The following DGKB variants were observed in gnomAD, a reference collection of about 807,000 sequenced individuals.
DGKB encodes the protein 90 kDa diacylglycerol kinase.
In DGKB, 67 loss-of-function variants were observed where a neutral mutation model predicts 114.3. That is an observed-to-expected ratio of 0.59 (90% CI 0.48 to 0.72). The LOEUF (loss-of-function observed/expected upper bound fraction) is 0.72. Ranked by LOEUF, DGKB falls within the 30% of genes least tolerant of loss-of-function variation. The pLI is 0.00. For synonymous variants in DGKB, 398 were observed against 323.1 expected (o/e 1.23, Z -2.49); for missense variants, 907 against 975.2 (o/e 0.93, Z 0.93).
chr7:14,777,677 T>C (rs1340223556), intron 2 of DGKB, among the ~76,000 whole-genome samples: 1 of 152,194 alleles, frequency 6.6e-6, no homozygotes, highest in Non-Finnish European at 1.5e-5. Context: ...CCATTAAATC[T>C]CTTTCCTTTA....
At chr7:14,332,692 C>A (rs1809943591) in intron 23 of DGKB, among the ~76,000 whole-genome samples, 3 of 152,004 alleles carry the variant, frequency 2.0e-5, no homozygotes, top group Non-Finnish European at 4.4e-5. Context: ...AATATAAAAC[C>A]ATTAAACTTT....
chr7:14,756,866 G>A (rs1248544944), intron 3 of DGKB, among the ~76,000 whole-genome samples: 1 of 151,970 alleles, frequency 6.6e-6, no homozygotes, highest in African/African-American at 2.4e-5. Flanking sequence ...CGTAAATGTT[G>A]CCTTCTGAAG....
intron 1 of DGKB, among the ~76,000 whole-genome samples, chr7:14,851,105 A>T (rs1378256865): frequency 6.6e-6 from 1 of 152,164 alleles, no homozygotes; most frequent in African/African-American, 2.4e-5. Flanking sequence ...GTAGAATTGA[A>T]ATTGGACATA....
At chr7:14,747,521 A>G (rs1424781996) in intron 4 of DGKB, among the ~76,000 whole-genome samples, 2 of 152,150 alleles carry the variant, frequency 1.3e-5, no homozygotes, top group African/African-American at 4.8e-5. Flanking sequence ...GACATTTCTG[A>G]TAAATGGATG....
intron 1 of DGKB, among the ~76,000 whole-genome samples, chr7:14,955,796 G>A (rs895486478): frequency 2.0e-5 from 3 of 151,942 alleles, no homozygotes; most frequent in East Asian, 1.9e-4. Context: ...GATGATATGT[G>A]GAATCATAAG....
chr7:14,422,031 T>C (rs540049148), intron 21 of DGKB, among the ~76,000 whole-genome samples: 1 of 152,168 alleles, frequency 6.6e-6, no homozygotes, highest in Non-Finnish European at 1.5e-5. Context: ...AGCATATTTA[T>C]AGAAGGTATA....
chr7:14,169,744 C>T (rs1269103160), intron 25 of DGKB, among the ~76,000 whole-genome samples: 1 of 151,742 alleles, frequency 6.6e-6, no homozygotes, highest in African/African-American at 2.4e-5. Flanking sequence ...CAGTGGGAAG[C>T]AAAATATGTA....
intron 21 of DGKB, among the ~76,000 whole-genome samples, chr7:14,417,212 A>C (rs868843110): frequency 1.3e-4 from 20 of 152,178 alleles, no homozygotes; most frequent in Non-Finnish European, 2.8e-4. Flanking sequence ...TTAGGCTTCT[A>C]CATTTTTAAA....
At chr7:14,734,169 G>A (rs1017258225) in intron 5 of DGKB, among the ~76,000 whole-genome samples, 22 of 151,034 alleles carry the variant, frequency 1.5e-4, no homozygotes, top group Admixed American at 9.9e-4. Flanking sequence ...CAAGTAGCTG[G>A]GATTACAGGC....
At chr7:14,149,748 A>C (rs1186537170) in intron 25 of DGKB, among the ~76,000 whole-genome samples, 1 of 150,808 alleles carries the variant, frequency 6.6e-6, no homozygotes, top group Non-Finnish European at 1.5e-5. Flanking sequence ...ATTTCCAAAC[A>C]GTCATTAGAA....
intron 2 of DGKB, among the ~76,000 whole-genome samples, chr7:14,819,653 G>A (rs1166630140): frequency 6.6e-6 from 1 of 152,008 alleles, no homozygotes; most frequent in African/African-American, 2.4e-5. Flanking sequence ...CACACATATG[G>A]TACTATAATT....
intron 10 of DGKB, among the ~76,000 whole-genome samples, chr7:14,683,693 A>C (rs1045778899): frequency 6.6e-6 from 1 of 152,088 alleles, no homozygotes; most frequent in African/African-American, 2.4e-5. Flanking sequence ...CCTCAATAAA[A>C]ACAAAAGCAA....
chr7:14,661,141 T>C (rs1285711024), intron 13 of DGKB, among the ~76,000 whole-genome samples: 1 of 152,032 alleles, frequency 6.6e-6, no homozygotes, highest in Non-Finnish European at 1.5e-5. Flanking sequence ...GACATAGGCA[T>C]GGGCAAGGAC....
At chr7:14,258,336 A>C (rs1156423856) in intron 23 of DGKB, among the ~76,000 whole-genome samples, 1 of 152,244 alleles carries the variant, frequency 6.6e-6, no homozygotes, top group African/African-American at 2.4e-5. Context: ...AATATAGATT[A>C]GTTTTGTTTG....
rs139558245 is a variant in DGKB, at chr7:14,629,770, G to A, written c.1167+466C>T. On this transcript the variant is annotated intron_variant, in intron 14 of 25. Coordinates refer to ENST00000402815, the MANE Select transcript of DGKB (RefSeq NM_001350709.2). ...TTCTCTATACAATGGCATGGGCTAG[G>A]TGATTAATGCTGCATTCATTTGAAA... 2.1e-3 allele frequency among the ~76,000 whole-genome samples: 325 copies of A among 152,176 alleles called. 1 individual carries two copies. The highest frequency in any genetic ancestry group is 3.6e-3 in the Non-Finnish European group (244 of 67,934).
intron 23 of DGKB, among the ~76,000 whole-genome samples, chr7:14,235,511 T>C (rs746873445): frequency 6.6e-6 from 1 of 152,078 alleles, no homozygotes; most frequent in Non-Finnish European, 1.5e-5. Flanking sequence ...AGAGGTTTCA[T>C]CTGTGAAGTA....
At chr7:14,952,087 C>T (rs371157008) in intron 1 of DGKB, among the ~76,000 whole-genome samples, 3 of 151,986 alleles carry the variant, frequency 2.0e-5, no homozygotes, top group Admixed American at 6.6e-5. Flanking sequence ...TCCAGTATGA[C>T]TTTATCCTTA....
At chr7:14,943,334 GA>G (rs75511038) in intron 1 of DGKB, among the ~76,000 whole-genome samples, 3 of 151,498 alleles carry the variant, frequency 2.0e-5, no homozygotes, top group Middle Eastern at 3.4e-3. Context: ...TATGCCATAA[GA>G]AAAAAACCTC....
intron 21 of DGKB, among the ~76,000 whole-genome samples, chr7:14,417,918 T>C (rs1037735128): frequency 7.9e-5 from 12 of 151,470 alleles, no homozygotes; most frequent in Non-Finnish European, 1.6e-4. Flanking sequence ...GGAAACCTTC[T>C]AGAATTCATT....
Sources: allele counts gnomAD v4.1 joint callset (sites outside exome capture counted in the v4.1 genomes callset), GRCh38; gene constraint gnomAD v4.1.1; transcripts MANE v1.5; gene names NCBI Gene and HGNC (gene_info 2026-07-23, HGNC 2026-07-21).